Variants in VTI1A observed in about 807,000 individuals in gnomAD.
VTI1A encodes vesicle transport through interaction with t-SNAREs homolog 1A.
Under a neutral mutation model 34.9 loss-of-function variants are expected in VTI1A, and 22 were observed. The ratio of observed to expected loss-of-function variants is 0.63; its 90% CI spans 0.45 to 0.90. The LOEUF (loss-of-function observed/expected upper bound fraction) is 0.90. Among genes scored for constraint, VTI1A ranks in the 40% least tolerant of loss-of-function variants. VTI1A has a pLI of 0.00. For missense variants in VTI1A, 268 were observed against 275.6 expected (o/e 0.97, Z 0.20); for synonymous variants, 87 against 97.3 (o/e 0.89, Z 0.62).
At chr10:112,687,385 C>G (rs1848453823) in intron 7 of VTI1A, among the ~76,000 whole-genome samples, 1 of 151,566 alleles carries the variant, frequency 6.6e-6, no homozygotes. Context: ...AGGCTCCCAC[C>G]ACCACGCCCG....
chr10:112,700,777 T>C (rs771733597), intron 7 of VTI1A, among the ~76,000 whole-genome samples: 12 of 152,244 alleles, frequency 7.9e-5, no homozygotes, highest in Non-Finnish European at 7.3e-5. Flanking sequence ...TTTAACATTA[T>C]GAAGTGGATA....
At position 112,767,628 on chromosome 10, in the gene VTI1A, T is replaced by G. The variant is rs563585808; in HGVS notation, c.561-47662T>G. Reference sequence around the variant, plus strand: ...ACTCCCTAATGTTAAATGCATTCGTTTGAGTTTTCAACTAAAGGGTCTTTC... The same window carrying G: ...ACTCCCTAATGTTAAATGCATTCGTGTGAGTTTTCAACTAAAGGGTCTTTC... On this transcript the variant is annotated intron_variant, in intron 7 of 7. Coordinates refer to ENST00000393077, the MANE Select transcript of VTI1A (RefSeq NM_145206.4). This position sits in a 1 kb window ranked among gnomAD's most constrained non-coding sequence, Gnocchi z 4.0. 1.3e-5 allele frequency among the ~76,000 whole-genome samples: 2 copies of G among 152,008 alleles called. No homozygotes were observed. The highest frequency in any genetic ancestry group is 4.8e-5 in the African/African-American group (2 of 41,490).
At chr10:112,695,374 A>AT (rs34990443) in intron 7 of VTI1A, among the ~76,000 whole-genome samples, 5 of 151,102 alleles carry the variant, frequency 3.3e-5, no homozygotes, top group Non-Finnish European at 5.9e-5. Context: ...TTCAAATGAC[A>AT]TTTTTTTTTA....
intron 7 of VTI1A, among the ~76,000 whole-genome samples, chr10:112,727,867 T>G (rs947174744): frequency 6.6e-6 from 1 of 152,150 alleles, no homozygotes; most frequent in African/African-American, 2.4e-5. Context: ...CCAGAATTAG[T>G]AAAATCTGTT....
chr10:112,471,136 A>G (rs1412271907), intron 3 of VTI1A, among the ~76,000 whole-genome samples: 3 of 152,120 alleles, frequency 2.0e-5, no homozygotes. Flanking sequence ...AAAGAAGTAT[A>G]TTTTGGGGTG....
intron 5 of VTI1A, 33 bp downstream of exon 5, chr10:112,538,363 C>CT: frequency 1.3e-6 from 2 of 1,587,296 alleles, no homozygotes; most frequent in Non-Finnish European, 1.7e-6. Context: ...AATTGTCTTG[C>CT]TTATGCACAG....
intron 7 of VTI1A, among the ~76,000 whole-genome samples, chr10:112,703,772 CAT>C (rs1849097851): frequency 6.6e-6 from 1 of 152,114 alleles, no homozygotes; most frequent in Non-Finnish European, 1.5e-5. Context: ...CATCCTCACT[CAT>C]GTTATTTTTC....
intron 3 of VTI1A, among the ~76,000 whole-genome samples, chr10:112,495,196 C>CT (rs751870581): frequency 0.024 from 1,908 of 78,992 alleles, 28 homozygotes; most frequent in East Asian, 0.064. Flanking sequence ...CAGTAATGGT[C>CT]TTTTTTTTTT....
At chr10:112,690,326 A>G (rs557023318) in intron 7 of VTI1A, among the ~76,000 whole-genome samples, 3 of 152,332 alleles carry the variant, frequency 2.0e-5, no homozygotes, top group Admixed American at 6.5e-5. Context: ...TAATTTTATA[A>G]GAACCTATCC....
intron 5 of VTI1A, among the ~76,000 whole-genome samples, chr10:112,552,271 C>T (rs1214482229): frequency 6.6e-6 from 1 of 152,208 alleles, no homozygotes; most frequent in Non-Finnish European, 1.5e-5. Context: ...ATGCCATCTA[C>T]TTTCACCATC....
chr10:112,807,819 C>G (rs1853139775), intron 7 of VTI1A, among the ~76,000 whole-genome samples: 2 of 152,190 alleles, frequency 1.3e-5, no homozygotes, highest in Admixed American at 1.3e-4. Context: ...CACCATTACA[C>G]TCCAGCCTGG....
At chr10:112,534,991 T>C (rs929967777) in intron 4 of VTI1A, among the ~76,000 whole-genome samples, 2 of 152,198 alleles carry the variant, frequency 1.3e-5, no homozygotes, top group Non-Finnish European at 1.5e-5. Context: ...CTTATTGCAA[T>C]CAACATTTTT....
At chr10:112,533,586 C>A in intron 4 of VTI1A, 1 of 988,582 alleles carries the variant, frequency 1.0e-6, no homozygotes, top group African/African-American at 1.8e-5. Context: ...TTTTTTAATT[C>A]TGCTTTTCCC....
the VTI1A span, among the ~76,000 whole-genome samples, chr10:112,837,438 C>T: frequency 6.6e-6 from 1 of 152,218 alleles, no homozygotes; most frequent in Non-Finnish European, 1.5e-5. Context: ...TGCTTTTCCT[C>T]AGCCTGCTTG....
chr10:112,460,937 ATTAT>A (rs1465503870), intron 2 of VTI1A, among the ~76,000 whole-genome samples: 2 of 152,242 alleles, frequency 1.3e-5, no homozygotes, highest in African/African-American at 2.4e-5. Flanking sequence ...GTGAGACAAT[ATTAT>A]TTGTCAAAAA....
At chr10:112,546,826 T>C (rs1476353172) in intron 5 of VTI1A, among the ~76,000 whole-genome samples, 1 of 152,196 alleles carries the variant, frequency 6.6e-6, no homozygotes, top group Non-Finnish European at 1.5e-5. Context: ...CACCCAAACC[T>C]TATTTGTTGT....
intron 3 of VTI1A, among the ~76,000 whole-genome samples, chr10:112,475,458 T>C (rs1005149005): frequency 2.6e-5 from 4 of 152,258 alleles, no homozygotes; most frequent in African/African-American, 9.6e-5. Context: ...TGATTTTTCA[T>C]CACTGGAATT....
intron 3 of VTI1A, among the ~76,000 whole-genome samples, chr10:112,497,825 G>A (rs956588935): frequency 6.6e-6 from 1 of 152,188 alleles, no homozygotes; most frequent in Non-Finnish European, 1.5e-5. Flanking sequence ...AAACAGACCT[G>A]GATGAATATG....
Position 112,620,790 on chromosome 10 carries a change from C to CA in VTI1A, c.428-47415dup, listed in dbSNP as rs58569618. ...GGGCAATAAGACCGAAACTCCATCTCAAAAAAAAAAAAAGAAAAGAAAAGA... is the reference window on the plus strand; with the variant it reads ...GGGCAATAAGACCGAAACTCCATCTCAAAAAAAAAAAAAAGAAAAGAAAAGA... On this transcript the variant is annotated intron_variant, in intron 5 of 7. Transcript: ENST00000393077. Among the ~76,000 whole-genome samples the CA allele has an allele frequency of 3.7e-3, 513 of 137,458 alleles. 4 individuals are homozygous for CA. Among genetic ancestry groups the CA allele is most frequent in the African/African-American group, 0.012 (446 of 37,018 alleles). 90.2% of individuals were successfully genotyped at this position (137,458 alleles called of 152,430 possible).
Sources: allele counts gnomAD v4.1 joint callset (sites outside exome capture counted in the v4.1 genomes callset), GRCh38; gene constraint gnomAD v4.1.1; non-coding constraint Gnocchi (gnomAD v3.1); transcripts MANE v1.5; gene names NCBI Gene and HGNC (gene_info 2026-07-23, HGNC 2026-07-21).